The following PTPN2 variants were observed in gnomAD, a reference collection of about 807,000 sequenced individuals.
PTPN2 encodes the protein protein tyrosine phosphatase non-receptor type 2.
In PTPN2, 19 loss-of-function variants were observed where a neutral mutation model predicts 57.3. That is an observed-to-expected ratio of 0.33 (90% CI 0.23 to 0.49). PTPN2 has a LOEUF of 0.49. PTPN2 is among the 20% of genes least tolerant of loss of function. The pLI is 0.99. For missense variants in PTPN2, 358 were observed against 501.1 expected (o/e 0.71, Z 2.73); for synonymous variants, 153 against 164.9 (o/e 0.93, Z 0.55).
intron 1 of PTPN2, among the ~76,000 whole-genome samples, chr18:12,879,202 A>C (rs1394515742): frequency 2.0e-5 from 3 of 152,176 alleles, no homozygotes; most frequent in African/African-American, 7.2e-5. Context: ...GCAGTGGCAC[A>C]ATTATGGCTC....
At chr18:12,882,560 C>T (rs1402015577) in intron 1 of PTPN2, among the ~76,000 whole-genome samples, 1 of 152,220 alleles carries the variant, frequency 6.6e-6, no homozygotes, top group Non-Finnish European at 1.5e-5. Context: ...AGAGAGACAG[C>T]AGCCTCTGCT....
intron 5 of PTPN2, among the ~76,000 whole-genome samples, chr18:12,817,950 G>A (rs2042134250): frequency 6.6e-6 from 1 of 152,154 alleles, no homozygotes; most frequent in African/African-American, 2.4e-5. Context: ...AGACCAGCCT[G>A]GCCAACATGG....
chr18:12,807,767 AAT>A (rs1568093582), intron 7 of PTPN2, among the ~76,000 whole-genome samples: 1 of 151,550 alleles, frequency 6.6e-6, no homozygotes, highest in African/African-American at 2.4e-5. Context: ...CAGAGAGTAG[AAT>A]AGTACCTACT....
chr18:12,816,932 C>T (rs1254871162), intron 6 of PTPN2, among the ~76,000 whole-genome samples: 1 of 151,998 alleles, frequency 6.6e-6, no homozygotes, highest in African/African-American at 2.4e-5. Context: ...AAGAAAAACA[C>T]CTTCTTAGGG....
intron 8 of PTPN2, 98 bp from the exon 9 acceptor site, chr18:12,794,583 A>G: frequency 2.2e-6 from 3 of 1,387,238 alleles, no homozygotes; most frequent in Non-Finnish European, 1.9e-6. Context: ...CCATCCACAT[A>G]GTTTTCACCC....
At chr18:12,826,441 A>ATTT in intron 4 of PTPN2, among the ~76,000 whole-genome samples, 1 of 152,210 alleles carries the variant, frequency 6.6e-6, no homozygotes, top group Middle Eastern at 3.4e-3. Flanking sequence ...TTTATAAAGC[A>ATTT]TTTTTTATGT....
intron 8 of PTPN2, among the ~76,000 whole-genome samples, chr18:12,797,363 C>T (rs2041232006): frequency 6.6e-6 from 1 of 151,792 alleles, no homozygotes; most frequent in Non-Finnish European, 1.5e-5. Context: ...AATAATGAGT[C>T]CCTTAAGTGT....
chr18:12,830,303 T>C lies in PTPN2; in HGVS notation c.360+640A>G, dbSNP rs570856553. Among the ~76,000 whole-genome samples, 31 of 152,130 alleles carry C rather than the reference T, an allele frequency of 2.0e-4. No homozygotes were observed. The South Asian group carries it at 6.0e-3, about 30-fold the overall frequency. On this transcript the variant is annotated intron_variant, in intron 4 of 8. Transcript: ENST00000309660. The stretch of plus-strand genomic sequence containing the variant: ...TAGCTAGCATTACACCTGGCTAATT[T>C]TGTATTTTTAGTAGAGACGGGGTTT...
intron 1 of PTPN2, among the ~76,000 whole-genome samples, chr18:12,871,479 T>A (rs2044267086): frequency 6.6e-6 from 1 of 152,326 alleles, no homozygotes; most frequent in South Asian, 2.1e-4. Context: ...CTTTTTGATA[T>A]GTAGTTCTTT....
chr18:12,840,232 C>T (rs2042998237), intron 2 of PTPN2, among the ~76,000 whole-genome samples: 1 of 152,136 alleles, frequency 6.6e-6, no homozygotes, highest in Non-Finnish European at 1.5e-5. Context: ...CAGTGATGTC[C>T]AAGAACTCAA....
intron 2 of PTPN2, among the ~76,000 whole-genome samples, chr18:12,853,971 A>T (rs992907996): frequency 2.0e-5 from 3 of 152,204 alleles, no homozygotes; most frequent in African/African-American, 7.2e-5. Flanking sequence ...GAAGGGAAAC[A>T]AGGAGATGGG....
chr18:12,825,588 C>T (rs1352779478), intron 5 of PTPN2, among the ~76,000 whole-genome samples: 2 of 151,844 alleles, frequency 1.3e-5, no homozygotes, highest in Non-Finnish European at 2.9e-5. Flanking sequence ...TTTTAATCCC[C>T]AAATATCAAA....
At chr18:12,856,108 G>C (rs1011645107) in intron 2 of PTPN2, among the ~76,000 whole-genome samples, 3 of 152,182 alleles carry the variant, frequency 2.0e-5, no homozygotes, top group African/African-American at 7.2e-5. Context: ...AACAGGTCTA[G>C]GAACTCTAGC....
chr18:12,883,428 C>G (rs974556972), intron 1 of PTPN2, among the ~76,000 whole-genome samples: 8 of 152,182 alleles, frequency 5.3e-5, no homozygotes, highest in African/African-American at 1.7e-4. Flanking sequence ...CCAGAGGCCA[C>G]GAGCCACCCC....
chr18:12,806,272 T>C (rs2041646202), intron 7 of PTPN2, among the ~76,000 whole-genome samples: 1 of 152,140 alleles, frequency 6.6e-6, no homozygotes, highest in South Asian at 2.1e-4. Context: ...AAGATCTCTA[T>C]AATGAAAATT....
Position 12,831,058 on chromosome 18 carries a change from G to A in PTPN2, c.262-17C>T. 1 of 1,543,426 alleles carries A rather than the reference G, an allele frequency of 6.5e-7. No homozygotes were observed. The highest frequency in any genetic ancestry group is 9.0e-7 in the Non-Finnish European group (1 of 1,117,136). ...AAGTGGACCCTGTGAAGAGAGAGGA[G>A]AGAGAGCAGATGAGGGAAGCAGACA... On this transcript the variant is annotated splice_polypyrimidine_tract_variant and intron_variant, in intron 3 of 8. Transcript: ENST00000309660.
intron 1 of PTPN2, among the ~76,000 whole-genome samples, 160 bp from the exon 2 acceptor site, chr18:12,859,414 T>C (rs1351715349): frequency 6.6e-6 from 1 of 152,226 alleles, no homozygotes; most frequent in Non-Finnish European, 1.5e-5. Context: ...CTCACAATAC[T>C]AATGGAAACG....
chr18:12,819,412 C>G (rs1201742630), intron 5 of PTPN2: 1 of 407,538 alleles, frequency 2.5e-6, no homozygotes, highest in East Asian at 3.9e-5. Context: ...CTATACTATT[C>G]CATTTTTATG....
chr18:12,849,298 C>T (rs984499022), intron 2 of PTPN2, among the ~76,000 whole-genome samples: 3 of 152,244 alleles, frequency 2.0e-5, no homozygotes, highest in Non-Finnish European at 2.9e-5. Flanking sequence ...GAAGCTCACG[C>T]CTGTAATCCC....
Sources: gnomAD v4.1 joint callset for allele counts (sites outside exome capture counted in the v4.1 genomes callset) on GRCh38, gnomAD v4.1.1 for gene constraint, MANE v1.5 for transcripts, NCBI Gene and HGNC (gene_info 2026-07-23, HGNC 2026-07-21) for gene names.